The following KLHL1 variants were observed in gnomAD, a reference collection of about 807,000 sequenced individuals.
KLHL1 encodes the protein kelch-like protein 1.
KLHL1 carries 47 observed loss-of-function variants against 77.7 expected under a neutral mutation model. The ratio of observed to expected loss-of-function variants is 0.60; its 90% confidence interval spans 0.48 to 0.77. The LOEUF is 0.77. KLHL1 is among the 30% of genes least tolerant of loss of function. The probability of loss-of-function intolerance (pLI) is 0.00; values close to 1 mark genes in which losing one functional copy is unlikely to be tolerated. For missense variants in KLHL1, 925 were observed against 910.8 expected, an observed-to-expected ratio of 1.02 and a Z score of -0.20; for synonymous variants, 360 against 325.2, an observed-to-expected ratio of 1.11 and a Z score of -1.15.
intron 6 of KLHL1, among the ~76,000 whole-genome samples, chr13:69,831,742 A>G (rs1322772949): frequency 2.0e-5 from 3 of 150,306 alleles, no homozygotes; most frequent in African/African-American, 7.5e-5. Context: ...TCAAAAAGAT[A>G]GTCCACGATG....
intron 1 of KLHL1, among the ~76,000 whole-genome samples, chr13:69,990,198 T>C (rs1054698713): frequency 1.9e-4 from 29 of 151,844 alleles, no homozygotes; most frequent in African/African-American, 6.8e-4. Flanking sequence ...GGAAAGACCA[T>C]TACCAGCCAC....
At chr13:69,941,606 G>A (rs988025954) in intron 3 of KLHL1, among the ~76,000 whole-genome samples, 1 of 151,898 alleles carries the variant, frequency 6.6e-6, no homozygotes, top group Non-Finnish European at 1.5e-5. Flanking sequence ...AAATAACAAA[G>A]ATCAGAGCAG....
intron 8 of KLHL1, among the ~76,000 whole-genome samples, chr13:69,730,724 A>T (rs1201093306): frequency 1.3e-5 from 2 of 151,958 alleles, no homozygotes; most frequent in African/African-American, 4.8e-5. Flanking sequence ...TAACTACAGG[A>T]GCATGCCACC....
intron 1 of KLHL1, among the ~76,000 whole-genome samples, chr13:69,989,020 A>G (rs1371226974): frequency 6.6e-6 from 1 of 152,128 alleles, no homozygotes; most frequent in African/African-American, 2.4e-5. Flanking sequence ...CATTTTAACG[A>G]TGAAATCTTT....
intron 4 of KLHL1, among the ~76,000 whole-genome samples, chr13:69,933,668 AC>A (rs1398832350): frequency 2.0e-5 from 3 of 152,058 alleles, no homozygotes; most frequent in Non-Finnish European, 4.4e-5. Flanking sequence ...TGAGTCTTCC[AC>A]CCTTCAAAGC....
chr13:69,834,775 G>C (rs1878917963), intron 6 of KLHL1, among the ~76,000 whole-genome samples: 1 of 152,060 alleles, frequency 6.6e-6, no homozygotes, highest in African/African-American at 2.4e-5. Context: ...TGAGTATTCA[G>C]TAATTCATAC....
At chr13:70,071,740 T>G (rs7334050) in intron 1 of KLHL1, among the ~76,000 whole-genome samples, 26,512 of 151,990 alleles carry the variant, frequency 0.17, 2,860 homozygotes, top group African/African-American at 0.29. Flanking sequence ...TATAGATCAA[T>G]AAGAAATTTT....
chr13:69,983,716 T>C (rs910654115), intron 1 of KLHL1, among the ~76,000 whole-genome samples: 1 of 151,690 alleles, frequency 6.6e-6, no homozygotes, highest in Non-Finnish European at 1.5e-5. Flanking sequence ...GGCAATGACC[T>C]GTACTCACAT....
rs772823017 is a variant in KLHL1 at position 69,882,278 on chromosome 13, A to T, written c.1227+5T>A. ...ATCTATTTAAACAGCGTCACACATC[A>T]TTACCTGTGGTGGAAGCAGTGGCAG... On this transcript the variant is annotated splice_donor_5th_base_variant and intron_variant, in intron 5 of 10. Coordinates refer to ENST00000377844, the MANE Select transcript of KLHL1 (RefSeq NM_020866.3). 2 of 1,597,432 alleles carry T rather than the reference A, an allele frequency of 1.3e-6. No individual in the cohort carries two copies. The highest frequency in any genetic ancestry group is 2.2e-5 in the South Asian group (2 of 90,708).
intron 1 of KLHL1, among the ~76,000 whole-genome samples, chr13:70,056,892 G>T (rs1156980854): frequency 6.6e-6 from 1 of 151,870 alleles, no homozygotes; most frequent in East Asian, 1.9e-4. Context: ...CAACTTATCG[G>T]TTCATTTTAA....
chr13:70,022,704 G>C (rs2137354198), intron 1 of KLHL1, among the ~76,000 whole-genome samples: 1 of 152,024 alleles, frequency 6.6e-6, no homozygotes, highest in East Asian at 1.9e-4. Context: ...CGGTGAGGTT[G>C]GATGAATTTA....
chr13:70,021,947 T>C (rs909525411), intron 1 of KLHL1, among the ~76,000 whole-genome samples: 2 of 152,078 alleles, frequency 1.3e-5, no homozygotes, highest in Non-Finnish European at 2.9e-5. Context: ...GTGGCTTGTC[T>C]TTTCATTCCC....
intron 4 of KLHL1, among the ~76,000 whole-genome samples, chr13:69,911,737 G>A (rs781495800): frequency 6.6e-6 from 1 of 151,984 alleles, no homozygotes; most frequent in Non-Finnish European, 1.5e-5. Context: ...GCATATAGTT[G>A]AGCCACTAAA....
At chr13:69,882,590 T>C in intron 4 of KLHL1, 95 bp from the exon 5 acceptor site, 1 of 780,922 alleles carries the variant, frequency 1.3e-6, no homozygotes. Flanking sequence ...ATATCCTTTG[T>C]TCTTATTATA....
At chr13:70,076,173 T>A (rs758014929) in intron 1 of KLHL1, among the ~76,000 whole-genome samples, 4 of 151,848 alleles carry the variant, frequency 2.6e-5, no homozygotes, top group Non-Finnish European at 5.9e-5. Flanking sequence ...CACAGAAGAT[T>A]CAATGCAACG....
intron 2 of KLHL1, among the ~76,000 whole-genome samples, chr13:69,974,324 G>A (rs1884481126): frequency 6.6e-6 from 1 of 151,134 alleles, no homozygotes. Flanking sequence ...TTGCTCAGAT[G>A]TTTTAGAACA....
chr13:69,845,579 T>C (rs1243333353), intron 5 of KLHL1, among the ~76,000 whole-genome samples: 1 of 151,682 alleles, frequency 6.6e-6, no homozygotes, highest in African/African-American at 2.4e-5. Context: ...CAAGTATCTA[T>C]TATTTTATTT....
At chr13:69,877,639 C>T (rs1880818205) in intron 5 of KLHL1, among the ~76,000 whole-genome samples, 1 of 152,000 alleles carries the variant, frequency 6.6e-6, no homozygotes, top group African/African-American at 2.4e-5. Flanking sequence ...TGGATTATAA[C>T]TCAGTTATCT....
intron 8 of KLHL1, among the ~76,000 whole-genome samples, chr13:69,724,750 A>G (rs897292112): frequency 6.6e-6 from 1 of 152,152 alleles, no homozygotes. Context: ...TCACATGATC[A>G]TCTCAATAGA....
Sources: allele counts gnomAD v4.1 joint callset (sites outside exome capture counted in the v4.1 genomes callset), GRCh38; gene constraint gnomAD v4.1.1; transcripts MANE v1.5; gene names NCBI Gene and HGNC (gene_info 2026-07-23, HGNC 2026-07-21).